The following FOCAD variants were observed in gnomAD, a reference collection of about 807,000 sequenced individuals.
The protein encoded by FOCAD is KIAA1797.
A neutral mutation model predicts 225.6 loss-of-function variants in FOCAD; 198 were observed. That is an observed-to-expected ratio of 0.88 (90% CI 0.78 to 0.99). The LOEUF (loss-of-function observed/expected upper bound fraction) is 0.99, where lower values mean the gene tolerates loss of function less well. Among genes scored for constraint, FOCAD ranks in the 50% least tolerant of loss-of-function variants. The pLI, the probability that FOCAD is intolerant of heterozygous loss-of-function variation, is 0.00. For missense variants in FOCAD, 2,713 were observed against 2,123.6 expected, an observed-to-expected ratio of 1.28 and a Z score of -5.46; for synonymous variants, 897 against 755.0, an observed-to-expected ratio of 1.19 and a Z score of -3.08.
rs193267702 is a variant in FOCAD, at chr9:20,936,459, G to A, written c.3407+3356G>A. 4.1e-4 allele frequency among the ~76,000 whole-genome samples: 63 copies of A among 152,294 alleles called. 1 individual carries two copies. In the South Asian group the frequency reaches 6.2e-3, roughly 15 times the overall value. ...TTATGGGATCTTCTTTCAGATGCAGGCTGAGATTGGAGAGGAACTAGTGCC... is the reference window on the plus strand; with the variant it reads ...TTATGGGATCTTCTTTCAGATGCAGACTGAGATTGGAGAGGAACTAGTGCC... On this transcript the variant is annotated intron_variant, in intron 28 of 43. Transcript: ENST00000338382.
rs150637809 is a variant in FOCAD, at chr9:20,949,627, C to G, written c.3900C>G (p.Thr1300=). The change falls in exon 33 of 44, where the codon ACC becomes ACG. Residue 1300 remains threonine, a synonymous_variant. Coordinates refer to ENST00000338382, the MANE Select transcript of FOCAD (RefSeq NM_001375567.1). ...VMQLKSEAIQ[T]SHFQGRLNEV... ...AGCTGAAATCAGAAGCCATCCAGAC[C>G]TCTCATTTTCAAGGCAGACTTAATG... The G allele has an allele frequency of 2.5e-6, 4 of 1,612,966 alleles. No homozygotes were observed. The African/African-American group carries it at 4.0e-5, about 16-fold the overall frequency.
chr9:20,685,949 GTTGA>G (rs1260478649), intron 1 of FOCAD, among the ~76,000 whole-genome samples: 1 of 152,060 alleles, frequency 6.6e-6, no homozygotes, highest in Non-Finnish European at 1.5e-5. Context: ...TTTTTCATTT[GTTGA>G]TTGATTGATG....
rs1262416592 is a variant in FOCAD, at chr9:20,702,350, C to T, written c.-32-12972C>T. Among the ~76,000 whole-genome samples the T allele has an allele frequency of 3.3e-5, 5 of 152,102 alleles. No homozygotes were observed. In the South Asian group the frequency reaches 6.2e-4, roughly 19 times the overall value. ...AACCCCTGGCCTCTAGTGATCCTCC[C>T]GCCTCAGCCTCCCAAAGTGCTGGGA... On this transcript the variant is annotated intron_variant, in intron 1 of 43. Transcript: ENST00000338382.
chr9:20,869,369 C>A (rs1189267205), intron 18 of FOCAD, among the ~76,000 whole-genome samples: 1 of 152,128 alleles, frequency 6.6e-6, no homozygotes, highest in Non-Finnish European at 1.5e-5. Context: ...GATATCCTTA[C>A]AAATGTGGCT....
chr9:20,761,241 C>G (rs1829566644), intron 6 of FOCAD, among the ~76,000 whole-genome samples: 1 of 152,048 alleles, frequency 6.6e-6, no homozygotes, highest in African/African-American at 2.4e-5. Context: ...CTTTCAGGAA[C>G]TGAGAATTTG....
chr9:20,691,862 C>T (rs1363251921), intron 1 of FOCAD, among the ~76,000 whole-genome samples: 2 of 152,136 alleles, frequency 1.3e-5, no homozygotes, highest in Non-Finnish European at 2.9e-5. Flanking sequence ...CAACCTCCGC[C>T]TCCCGGGTTC....
chr9:20,778,303 G>A, intron 8 of FOCAD, among the ~76,000 whole-genome samples: 1 of 151,942 alleles, frequency 6.6e-6, no homozygotes, highest in East Asian at 1.9e-4. Flanking sequence ...GGAGTGCAGT[G>A]GCACCATCTT....
chr9:20,778,802 A>G, intron 9 of FOCAD, 34 bp downstream of exon 9: 1 of 1,230,212 alleles, frequency 8.1e-7, no homozygotes, highest in Non-Finnish European at 1.2e-6. Flanking sequence ...AGTAAAATGT[A>G]AATATAACAT....
chr9:20,920,952 T>C (rs1370525487), intron 24 of FOCAD, among the ~76,000 whole-genome samples: 1 of 149,888 alleles, frequency 6.7e-6, no homozygotes, highest in East Asian at 2.0e-4. Flanking sequence ...ACCCTAAAAC[T>C]TAAAGTATAA....
chr9:20,831,292 G>C (rs538062960), intron 15 of FOCAD, among the ~76,000 whole-genome samples: 7 of 152,220 alleles, frequency 4.6e-5, no homozygotes, highest in Admixed American at 3.3e-4. Context: ...GGAAGAGGTG[G>C]TGAGGAGAGC....
intron 1 of FOCAD, among the ~76,000 whole-genome samples, chr9:20,694,339 T>C (rs974511475): frequency 1.3e-5 from 2 of 152,200 alleles, no homozygotes; most frequent in Non-Finnish European, 2.9e-5. Context: ...TTATTCAAAA[T>C]AAAGCTATTT....
intron 11 of FOCAD, among the ~76,000 whole-genome samples, chr9:20,817,716 GTACTT>G (rs577094980): frequency 4.9e-4 from 75 of 151,970 alleles, no homozygotes; most frequent in African/African-American, 1.7e-3. Flanking sequence ...GCATGTATCA[GTACTT>G]TATTTATTTT....
intron 13 of FOCAD, 138 bp downstream of exon 13, chr9:20,820,563 T>G (rs556304570): frequency 1.7e-5 from 11 of 649,212 alleles, no homozygotes; most frequent in Non-Finnish European, 2.6e-5. Context: ...AAAGTTTTGA[T>G]TTATTGTGAT....
rs527491758 is a variant in FOCAD at position 20,724,885 on chromosome 9, T to C, written c.287+4351T>C. Among the ~76,000 whole-genome samples the C allele has an allele frequency of 1.5e-3, 233 of 152,256 alleles. 2 individuals are homozygous for C. The highest frequency in any genetic ancestry group is 5.3e-3 in the African/African-American group (222 of 41,554). On this transcript the variant is annotated intron_variant, in intron 4 of 43. Transcript: ENST00000338382. Reference sequence around the variant, plus strand: ...TGTCTTTGGGACTTAAAGGCAAGAATGGGCCAGGCGTGGTGGCTCATGCCC... The same window carrying C: ...TGTCTTTGGGACTTAAAGGCAAGAACGGGCCAGGCGTGGTGGCTCATGCCC...
Position 20,770,154 on chromosome 9 carries a change from TGTCAGTGAA to T in FOCAD, c.828_836del (p.Glu277_Ser279del). On this transcript the variant is annotated inframe_deletion, in exon 8 of 44. Coordinates refer to ENST00000338382, the MANE Select transcript of FOCAD (RefSeq NM_001375567.1). Reference sequence around the variant, plus strand: ...CCCAGATGAGTCTTCAGCTGCTGTGTGTCAGTGAAGTCAGCTTAAAGATAACTGGTGAAT... The same window carrying T: ...CCCAGATGAGTCTTCAGCTGCTGTGTGTCAGCTTAAAGATAACTGGTGAAT... 6.2e-7 allele frequency: 1 copy of T among 1,613,996 alleles called. No homozygotes were observed. Among genetic ancestry groups the T allele is most frequent in the Non-Finnish European group, 8.5e-7 (1 of 1,179,988 alleles).
At chr9:20,923,066 T>G (rs1006756196) in intron 24 of FOCAD, among the ~76,000 whole-genome samples, 1 of 152,232 alleles carries the variant, frequency 6.6e-6, no homozygotes, top group African/African-American at 2.4e-5. Flanking sequence ...CATTTGCATC[T>G]TATCTGGGGT....
chr9:20,718,486 T>C (rs1001745538), intron 3 of FOCAD, among the ~76,000 whole-genome samples: 4 of 152,214 alleles, frequency 2.6e-5, no homozygotes, highest in African/African-American at 7.2e-5. Context: ...ATAGGGAACA[T>C]AAGTGATGGA....
chr9:20,869,823 A>G (rs1829611554), intron 18 of FOCAD, among the ~76,000 whole-genome samples: 1 of 152,184 alleles, frequency 6.6e-6, no homozygotes. Context: ...TTGGTTTGTA[A>G]CAGGATCATT....
intron 8 of FOCAD, among the ~76,000 whole-genome samples, chr9:20,774,814 C>G (rs986737264): frequency 6.6e-6 from 1 of 152,148 alleles, no homozygotes; most frequent in Non-Finnish European, 1.5e-5. Flanking sequence ...TTATGTCTCT[C>G]ATTTGCCCAA....
Sources: allele counts gnomAD v4.1 joint callset (sites outside exome capture counted in the v4.1 genomes callset), GRCh38; gene constraint gnomAD v4.1.1; transcripts MANE v1.5; gene names NCBI Gene and HGNC (gene_info 2026-07-23, HGNC 2026-07-21).